SLC11A2: variants seen among roughly 807,000 people sequenced by gnomAD.
SLC11A2 encodes solute carrier family 11 member 2, also known as natural resistance-associated macrophage protein 2.
A neutral mutation model predicts 68.0 loss-of-function variants in SLC11A2; 38 were observed. The ratio of observed to expected loss-of-function variants is 0.56; its 90% CI spans 0.43 to 0.73. The LOEUF (loss-of-function observed/expected upper bound fraction) is 0.73, where lower values mean the gene tolerates loss of function less well. Ranked by LOEUF, SLC11A2 falls within the 30% of genes least tolerant of loss-of-function variation. The pLI, the probability that SLC11A2 is intolerant of heterozygous loss-of-function variation, is 0.00. For synonymous variants in SLC11A2, 242 were observed against 250.6 expected, an observed-to-expected ratio of 0.97 and a Z score of 0.32; for missense variants, 517 against 690.5, an observed-to-expected ratio of 0.75 and a Z score of 2.82.
At position 50,997,942 on chromosome 12, in the gene SLC11A2, G is replaced by A. The variant is rs572143027; in HGVS notation, c.676-970C>T. On this transcript the variant is annotated intron_variant, in intron 8 of 15. Coordinates refer to ENST00000262052, the MANE Select transcript of SLC11A2 (RefSeq NM_000617.3). ...GTGGAAGTTGCAGTGAGCAGAGATC[G>A]CACCACTGCACTCCAGCCTGGGCGA... Among the ~76,000 whole-genome samples the A allele has an allele frequency of 8.0e-5, 12 of 149,534 alleles. No individual in the cohort carries two copies. In the South Asian group the frequency reaches 1.1e-3, roughly 13 times the overall value.
rs1243054608 is a variant in SLC11A2, at chr12:50,987,754, GA to G, written c.*570del. 3.6e-5 allele frequency: 46 copies of G among 1,286,868 alleles called. No homozygotes were observed. Among genetic ancestry groups the G allele is most frequent in the Non-Finnish European group, 3.6e-5 (36 of 988,624 alleles). 79.7% of individuals were successfully genotyped at this position (1,286,868 alleles called of 1,614,324 possible). A position where few individuals can be genotyped will look rare whatever the true frequency, so the allele number is the denominator to read the frequency against. ...TAACTTCCACTGAGAAATTAAAGTG[GA>G]AATAAGTTCAAAGAATCCTAAGCCT... On this transcript the variant is annotated 3_prime_UTR_variant, in exon 16 of 16. Coordinates refer to ENST00000262052, the MANE Select transcript of SLC11A2 (RefSeq NM_000617.3).
intron 1 of SLC11A2, among the ~76,000 whole-genome samples, chr12:51,017,523 T>C (rs2136379336): frequency 6.6e-6 from 1 of 152,220 alleles, no homozygotes; most frequent in Non-Finnish European, 1.5e-5. Flanking sequence ...CCAAATGAGG[T>C]CATGTGAAGG....
the SLC11A2 span, chr12:50,970,392 G>A: frequency 5.5e-6 from 5 of 915,520 alleles, no homozygotes; most frequent in South Asian, 1.5e-5. Flanking sequence ...AAGAAATTCA[G>A]TGTTTGTTTC....
chr12:51,019,397 C>T (rs1024613280), intron 1 of SLC11A2, among the ~76,000 whole-genome samples: 7 of 152,172 alleles, frequency 4.6e-5, no homozygotes, highest in Admixed American at 1.3e-4. Context: ...TAACACAACA[C>T]CTTGTTGTAC....
In SLC11A2 at chr12:50,996,911, G is replaced by C. The variant is rs1178256987; in HGVS notation, c.737C>G (p.Ser246Ter). ...TTCAATCTGTGGAGTGCGACAGCCT[G>C]AACAGGATGGTACGAACATGCCCTT... ...VLKGMFVPSC[S>*]GCRTPQIEQA... The change falls in exon 9 of 16, where the codon TCA (serine) becomes TGA (stop). Residue 246 changes from serine (S) to a stop codon, truncating the protein, a stop_gained. Coordinates refer to ENST00000262052, the MANE Select transcript of SLC11A2 (RefSeq NM_000617.3). LOFTEE classifies it high-confidence loss of function. 1 of 1,613,924 alleles carries C rather than the reference G, an allele frequency of 6.2e-7. No homozygotes were observed. The highest frequency in any genetic ancestry group is 2.2e-5 in the East Asian group (1 of 44,884).
intron 5 of SLC11A2, among the ~76,000 whole-genome samples, chr12:51,003,407 G>A (rs375892220): frequency 1.3e-5 from 2 of 151,558 alleles, no homozygotes; most frequent in African/African-American, 2.4e-5. Context: ...ATGGTGGCAC[G>A]TGGCTGTAAT....
At chr12:50,993,597 G>A (rs981795993) in intron 11 of SLC11A2, among the ~76,000 whole-genome samples, 1 of 151,922 alleles carries the variant, frequency 6.6e-6, no homozygotes, top group African/African-American at 2.4e-5. Flanking sequence ...AGGCCGAGGG[G>A]GGGGTGGATC....
chr12:50,976,133 CT>C (rs1222257395), downstream of SLC11A2, among the ~76,000 whole-genome samples: 1 of 152,244 alleles, frequency 6.6e-6, no homozygotes, highest in Non-Finnish European at 1.5e-5. Flanking sequence ...TCCTCCCTAA[CT>C]CATTTTATGA....
At chr12:50,967,321 T>A in the SLC11A2 span, among the ~76,000 whole-genome samples, 1 of 152,036 alleles carries the variant, frequency 6.6e-6, no homozygotes, top group African/African-American at 2.4e-5. Flanking sequence ...AATTTTAAAA[T>A]TTTTTCGTAG....
chr12:51,026,560 C>G (rs368579054), upstream of SLC11A2: 4 of 337,504 alleles, frequency 1.2e-5, no homozygotes, highest in East Asian at 1.1e-4. Flanking sequence ...CTGGGGCACC[C>G]GGCGGGAGCT....
rs954460640 is a variant in SLC11A2 at position 50,992,730 on chromosome 12, CAAA to C, written c.1197+77_1197+79del. On this transcript the variant is annotated intron_variant, in intron 12 of 15. Coordinates refer to ENST00000262052, the MANE Select transcript of SLC11A2 (RefSeq NM_000617.3). ...TTGGGCGACGAGTGAGACTCCATCTCAAAAAAAAAAAAAAAAGAAGAAGAAGAA... is the reference window on the plus strand; with the variant it reads ...TTGGGCGACGAGTGAGACTCCATCTCAAAAAAAAAAAAAGAAGAAGAAGAA... 2.5e-4 allele frequency: 240 copies of C among 947,012 alleles called. 2 individuals are homozygous for C. The highest frequency in any genetic ancestry group is 5.5e-4 in the South Asian group (35 of 63,964). 58.7% of individuals were successfully genotyped at this position (947,012 alleles called of 1,614,324 possible). A position where few individuals can be genotyped will look rare whatever the true frequency, so the allele number is the denominator to read the frequency against.
chr12:51,004,656 A>G, intron 5 of SLC11A2, 132 bp downstream of exon 5: 1 of 898,294 alleles, frequency 1.1e-6, no homozygotes, highest in Non-Finnish European at 1.8e-6. Context: ...TTCCGTTGGT[A>G]CCGTCTGTCT....
chr12:51,021,351 C>T (rs888702436), intron 1 of SLC11A2, among the ~76,000 whole-genome samples: 6 of 151,764 alleles, frequency 4.0e-5, no homozygotes, highest in Admixed American at 1.3e-4. Context: ...TCGGGCCAGG[C>T]GCGGTGGCTC....
At chr12:51,026,241 C>G (rs1355084813) in intron 1 of SLC11A2, 69 bp downstream of exon 1, 2 of 1,223,602 alleles carry the variant, frequency 1.6e-6, no homozygotes, top group Non-Finnish European at 2.1e-6. Flanking sequence ...CACAGGCCCT[C>G]GAGCCGCCCC....
Position 51,000,293 on chromosome 12 carries a change from T to C in SLC11A2, c.536+20A>G. Reference sequence around the variant, plus strand: ...AAATCCAGCAAAACACTGATGACTTTCTAGAGGAAAACCCCTCACCTTCCT... The same window carrying C: ...AAATCCAGCAAAACACTGATGACTTCCTAGAGGAAAACCCCTCACCTTCCT... On this transcript the variant is annotated intron_variant, in intron 6 of 15. Transcript: ENST00000262052. 1.3e-6 allele frequency: 2 copies of C among 1,543,070 alleles called. No individual in the cohort carries two copies. Among genetic ancestry groups the C allele is most frequent in the Non-Finnish European group, 1.8e-6 (2 of 1,115,338 alleles).
chr12:50,993,918 G>A (rs981297848), intron 11 of SLC11A2, among the ~76,000 whole-genome samples: 15 of 143,422 alleles, frequency 1.0e-4, no homozygotes, highest in South Asian at 2.3e-4. Flanking sequence ...CTTGGACCAG[G>A]TAGGTGGAGG....
At chr12:50,966,249 C>T in the SLC11A2 span, among the ~76,000 whole-genome samples, 2 of 152,194 alleles carry the variant, frequency 1.3e-5, no homozygotes, top group African/African-American at 2.4e-5. Flanking sequence ...ACAGTCACCA[C>T]AGGACTCTTG....
chr12:50,957,520 T>C, the SLC11A2 span, among the ~76,000 whole-genome samples: 1 of 152,004 alleles, frequency 6.6e-6, no homozygotes, highest in African/African-American at 2.4e-5. Flanking sequence ...CTTCTTTTAA[T>C]CGATCCTTAC....
chr12:50,997,845 A>G (rs1481086748), intron 8 of SLC11A2, among the ~76,000 whole-genome samples: 1 of 151,166 alleles, frequency 6.6e-6, no homozygotes, highest in East Asian at 2.0e-4. Flanking sequence ...AAAATTAACC[A>G]GGCACGGTGG....
Sources: gnomAD v4.1 joint callset for allele counts (sites outside exome capture counted in the v4.1 genomes callset) on GRCh38, gnomAD v4.1.1 for gene constraint, MANE v1.5 for transcripts, NCBI Gene and HGNC (gene_info 2026-07-23, HGNC 2026-07-21) for gene names.